The following RASSF8 variants were observed in gnomAD, a reference collection of about 807,000 sequenced individuals.
RASSF8 encodes ras association domain-containing protein 8.
Under a neutral mutation model 48.5 loss-of-function variants are expected in RASSF8, and 22 were observed. The observed-to-expected ratio is 0.45, with a 90% confidence interval of 0.32 to 0.65. RASSF8 has a LOEUF of 0.65. RASSF8 is among the 30% of genes least tolerant of loss of function. The probability of loss-of-function intolerance (pLI) is 0.03; values close to 1 mark genes in which losing one functional copy is unlikely to be tolerated. For missense variants in RASSF8, 418 were observed against 489.2 expected (o/e 0.85, Z 1.37); for synonymous variants, 127 against 171.5 (o/e 0.74, Z 2.03).
At position 25,975,768 on chromosome 12, in the gene RASSF8, C is replaced by G. The variant is rs185300016; in HGVS notation, c.-203+16620C>G. ...TATTTAGAAGGTAGTACACGCTGAT[C>G]AAGGACCAAAGGACCAGAAGAAATA... On this transcript the variant is annotated intron_variant, in intron 1 of 5. Transcript: ENST00000689635. 2.4e-3 allele frequency among the ~76,000 whole-genome samples: 368 copies of G among 152,232 alleles called. 2 individuals are homozygous for G. Among genetic ancestry groups the G allele is most frequent in the African/African-American group, 7.1e-3 (297 of 41,552 alleles).
intron 2 of RASSF8, chr12:26,020,623 G>A (rs1476912911): frequency 6.6e-6 from 1 of 151,664 alleles, no homozygotes; most frequent in African/African-American, 2.4e-5. Flanking sequence ...TTGCCAATAT[G>A]GAACAAAATT....
At chr12:26,040,396 G>A (rs985649069) in intron 2 of RASSF8, among the ~76,000 whole-genome samples, 3 of 152,198 alleles carry the variant, frequency 2.0e-5, no homozygotes, top group Admixed American at 6.5e-5. Context: ...GAAGGTTACT[G>A]GGGGGTAATA....
chr12:26,018,292 A>G (rs1942699823), intron 2 of RASSF8, among the ~76,000 whole-genome samples: 1 of 152,188 alleles, frequency 6.6e-6, no homozygotes, highest in Non-Finnish European at 1.5e-5. Flanking sequence ...GGAGCTGCCT[A>G]TGAAGATTTT....
At chr12:26,058,534 G>GCGCGCGCA (rs1555169623) in intron 3 of RASSF8, among the ~76,000 whole-genome samples, 7 of 63,664 alleles carry the variant, frequency 1.1e-4, no homozygotes, top group East Asian at 7.2e-4. Flanking sequence ...GCGCACGCGC[G>GCGCGCGCA]CGCGCACACA....
intron 1 of RASSF8, among the ~76,000 whole-genome samples, chr12:25,984,036 A>G (rs991552554): frequency 2.6e-5 from 4 of 152,148 alleles, no homozygotes; most frequent in Admixed American, 2.0e-4. Flanking sequence ...CTGAAGTAGT[A>G]CATTGTTTAA....
At chr12:25,979,804 T>A (rs1196200351) in intron 1 of RASSF8, among the ~76,000 whole-genome samples, 1 of 152,006 alleles carries the variant, frequency 6.6e-6, no homozygotes, top group Non-Finnish European at 1.5e-5. Context: ...GCTGTGTAAG[T>A]GTTGGGGAAA....
chr12:25,998,732 C>G (rs1403578596), intron 2 of RASSF8, among the ~76,000 whole-genome samples: 1 of 151,942 alleles, frequency 6.6e-6, no homozygotes, highest in Non-Finnish European at 1.5e-5. Context: ...TAAAAATTCT[C>G]AAAGAAAGAA....
At chr12:25,994,364 G>T (rs1042221672) in intron 1 of RASSF8, among the ~76,000 whole-genome samples, 2 of 152,108 alleles carry the variant, frequency 1.3e-5, no homozygotes, top group Non-Finnish European at 2.9e-5. Context: ...TCTGTGAAGG[G>T]CATAGTCTGA....
At chr12:26,005,965 G>A (rs924270402) in intron 2 of RASSF8, among the ~76,000 whole-genome samples, 11 of 152,196 alleles carry the variant, frequency 7.2e-5, no homozygotes, top group African/African-American at 2.2e-4. Context: ...ACTTCAATGT[G>A]TAGTCTTCGG....
chr12:25,958,420 C>T (rs1941130238), upstream of RASSF8: 1 of 151,552 alleles, frequency 6.6e-6, no homozygotes, highest in Non-Finnish European at 1.5e-5. Context: ...AGGGTCGCGC[C>T]GAGCTCCCCG....
At chr12:26,010,204 TAGTC>T (rs144635204) in intron 2 of RASSF8, among the ~76,000 whole-genome samples, 43,333 of 151,992 alleles carry the variant, frequency 0.29, 7,716 homozygotes, top group Non-Finnish European at 0.4. Context: ...TTAGGAGAGT[TAGTC>T]AGGCACCAGC....
intron 2 of RASSF8, among the ~76,000 whole-genome samples, chr12:25,996,637 C>G (rs990342722): frequency 6.6e-6 from 1 of 152,162 alleles, no homozygotes; most frequent in Non-Finnish European, 1.5e-5. Flanking sequence ...TCAATATTCT[C>G]TAGGTCAGCA....
chr12:26,005,761 A>G (rs896694015), intron 2 of RASSF8, among the ~76,000 whole-genome samples: 15 of 152,274 alleles, frequency 9.9e-5, no homozygotes, highest in African/African-American at 3.6e-4. Context: ...TATATCAGCT[A>G]ATGCCCTGTC....
At chr12:26,025,631 A>G (rs73079022) in intron 2 of RASSF8, among the ~76,000 whole-genome samples, 14,647 of 151,466 alleles carry the variant, frequency 0.097, 755 homozygotes, top group Middle Eastern at 0.16. Flanking sequence ...AGAGAATACT[A>G]CCTTGCATAT....
rs1944001263 is a variant in RASSF8, at chr12:26,071,563, G to T, written c.*2745G>T. 4.1e-6 allele frequency: 4 copies of T among 981,514 alleles called. No individual in the cohort carries two copies. The South Asian group carries it at 1.9e-4, about 46-fold the overall frequency. The allele number at this position is 981,514 out of a possible 1,614,324, so 60.8% of individuals were successfully genotyped here. ...TCATCCTCAGAGAATGGCCCATAGT[G>T]TGTTGCCTGTGGACATAGTGTCCAT... On this transcript the variant is annotated 3_prime_UTR_variant, in exon 6 of 6. Coordinates refer to ENST00000689635, the MANE Select transcript of RASSF8 (RefSeq NM_001394098.1).
At chr12:26,073,821 TAC>T (rs757140768), downstream of RASSF8, among the ~76,000 whole-genome samples, 4,767 of 64,992 alleles carry the variant, frequency 0.073, 210 homozygotes, top group African/African-American at 0.22. Context: ...TATATACACA[TAC>T]ACACACACAC....
In RASSF8 at chr12:26,066,461, G is replaced by A. The variant is rs534524792; in HGVS notation, c.993+1074G>A. Among the ~76,000 whole-genome samples the A allele has an allele frequency of 6.6e-5, 10 of 152,274 alleles. 1 individual carries two copies. The highest frequency in any genetic ancestry group is 2.2e-4 in the African/African-American group (9 of 41,552). On this transcript the variant is annotated intron_variant, in intron 4 of 5. Coordinates refer to ENST00000689635, the MANE Select transcript of RASSF8 (RefSeq NM_001394098.1). ...TGATCTCCTTTCTCCGTCATTATCT[G>A]TAGTAAGAGATAAAACTACCACCCA...
At position 26,069,951 on chromosome 12, in the gene RASSF8, A is replaced by G. The variant is rs917038053; in HGVS notation, c.*1133A>G. 2 of 978,272 alleles carry G rather than the reference A, an allele frequency of 2.0e-6. No individual in the cohort carries two copies. Among genetic ancestry groups the G allele is most frequent in the Non-Finnish European group, 2.4e-6 (2 of 823,486 alleles). 60.6% of individuals were successfully genotyped at this position (978,272 alleles called of 1,614,324 possible). A position where few individuals can be genotyped will look rare whatever the true frequency, so the allele number is the denominator to read the frequency against. ...TTTTATTTTTAGGCTTGACTTTTAC[A>G]AGACATTAATCTCCATTTGTACATA... is the stretch of plus-strand genomic sequence containing the variant. On this transcript the variant is annotated 3_prime_UTR_variant, in exon 6 of 6. Coordinates refer to ENST00000689635, the MANE Select transcript of RASSF8 (RefSeq NM_001394098.1).
chr12:26,015,170 G>T (rs369744740), intron 2 of RASSF8, among the ~76,000 whole-genome samples: 3 of 150,154 alleles, frequency 2.0e-5, no homozygotes, highest in South Asian at 4.2e-4. Context: ...TCGTGCCATC[G>T]TACTCCAGCC....
Sources: allele counts gnomAD v4.1 joint callset (sites outside exome capture counted in the v4.1 genomes callset), GRCh38; gene constraint gnomAD v4.1.1; transcripts MANE v1.5; gene names NCBI Gene and HGNC (gene_info 2026-07-23, HGNC 2026-07-21).